Variants in EVI5L observed in about 807,000 individuals in gnomAD.
The protein encoded by EVI5L is ecotropic viral integration site 5 like.
In EVI5L, 30 loss-of-function variants were observed where a neutral mutation model predicts 106.1. That is an observed-to-expected ratio of 0.28 (90% CI 0.21 to 0.38). The LOEUF (loss-of-function observed/expected upper bound fraction) is 0.38, where lower values mean the gene tolerates loss of function less well. EVI5L is among the 10% of genes least tolerant of loss of function. The pLI is 1.00. For synonymous variants in EVI5L, 489 were observed against 483.3 expected (o/e 1.01, Z -0.15); for missense variants, 809 against 1,098.0 (o/e 0.74, Z 3.72).
At chr19:7,855,114 C>CTTTTT (rs200195743) in intron 10 of EVI5L, among the ~76,000 whole-genome samples, 1 of 132,624 alleles carries the variant, frequency 7.5e-6, no homozygotes. Flanking sequence ...ATATCTTTTT[C>CTTTTT]TTTTTTTTTT....
At chr19:7,849,942 G>A in intron 5 of EVI5L, 55 bp from the exon 6 acceptor site, 1 of 1,474,914 alleles carries the variant, frequency 6.8e-7, no homozygotes, top group South Asian at 1.2e-5. Flanking sequence ...TGAGCAGCGA[G>A]ATGCCCCTCC....
chr19:7,851,331 C>A, intron 6 of EVI5L, 103 bp from the exon 7 acceptor site: 1 of 1,409,974 alleles, frequency 7.1e-7, no homozygotes, highest in Non-Finnish European at 9.6e-7. Context: ...CTGCCCAGCG[C>A]AGGTCCAGGA....
intron 16 of EVI5L, 47 bp from the exon 17 acceptor site, chr19:7,862,341 G>A (rs1979847964): frequency 6.3e-7 from 1 of 1,580,808 alleles, no homozygotes; most frequent in Non-Finnish European, 8.6e-7. Flanking sequence ...CCCTGAGTTA[G>A]GCCCTGACCG....
In EVI5L at chr19:7,845,576, A is replaced by G. The variant is rs1197451436; in HGVS notation, c.-47-920A>G. Among the ~76,000 whole-genome samples the G allele has an allele frequency of 2.6e-5, 4 of 152,212 alleles. No homozygotes were observed. Among genetic ancestry groups the G allele is most frequent in the Non-Finnish European group, 5.9e-5 (4 of 68,036 alleles). Reference sequence around the variant, plus strand: ...GCTAGGTCCTGTATGATCTCAGTGTACGGAGGCTCAGAGACACCAAGTGAC... The same window carrying G: ...GCTAGGTCCTGTATGATCTCAGTGTGCGGAGGCTCAGAGACACCAAGTGAC... On this transcript the variant is annotated intron_variant, in intron 1 of 19. Coordinates refer to ENST00000538904, the MANE Select transcript of EVI5L (RefSeq NM_001159944.3). This position sits in a 1 kb window ranked among gnomAD's most constrained non-coding sequence, Gnocchi z 4.0.
At position 7,858,014 on chromosome 19, in the gene EVI5L, C is replaced by A; in HGVS notation, c.1234-177C>A. On this transcript the variant is annotated intron_variant, in intron 12 of 19. Coordinates refer to ENST00000538904, the MANE Select transcript of EVI5L (RefSeq NM_001159944.3). The surrounding 1 kb of genome is among the most constrained non-coding windows in gnomAD (Gnocchi z 5.7). ...CCAGGTGTCCTATTCCTGCCTGTCA[C>A]CCACCCACGTCCCCAGGCCCAGTGG... 1 of 683,958 alleles carries A rather than the reference C, an allele frequency of 1.5e-6. No individual in the cohort carries two copies. Among genetic ancestry groups the A allele is most frequent in the Non-Finnish European group, 2.4e-6 (1 of 414,988 alleles). 42.4% of individuals were successfully genotyped at this position (683,958 alleles called of 1,614,324 possible). A position where few individuals can be genotyped will look rare whatever the true frequency, so the allele number is the denominator to read the frequency against.
In EVI5L at chr19:7,860,672, G is replaced by T. The variant is rs1260243389; in HGVS notation, c.1486G>T (p.Val496Phe). The T allele has an allele frequency of 6.3e-7, 1 of 1,588,958 alleles. No individual in the cohort carries two copies. Among genetic ancestry groups the T allele is most frequent in the African/African-American group, 1.3e-5 (1 of 74,452 alleles). ...GGCCCTTCGGGAGATGCAGGACAAGGTTCTCGACATGGAAAAGGTGCAATG... is the reference window on the plus strand; with the variant it reads ...GGCCCTTCGGGAGATGCAGGACAAGTTTCTCGACATGGAAAAGGTGCAATG... ...LGALREMQDK[V>F]LDMEKRNSSL... Residue 496 changes from valine to phenylalanine, a missense_variant, in exon 14 of 20, where the codon GTT (valine) becomes TTT (phenylalanine). By Grantham distance (50) the Val-to-Phe change is conservative. Coordinates refer to ENST00000538904, the MANE Select transcript of EVI5L (RefSeq NM_001159944.3).
intron 1 of EVI5L, among the ~76,000 whole-genome samples, chr19:7,838,330 C>CA (rs1199576763): frequency 6.6e-6 from 1 of 151,978 alleles, no homozygotes; most frequent in East Asian, 1.9e-4. Context: ...AGGCTGGTCT[C>CA]AAACTCCTGA....
chr19:7,857,067 G>A lies in EVI5L; in HGVS notation c.1201-25G>A, dbSNP rs775367361. Reference sequence around the variant, plus strand: ...TTCCGCTCTGCCTCCTCCCCCTGTCGCTGGGAACCCCCTTCGCCGGGTAGG... The same window carrying A: ...TTCCGCTCTGCCTCCTCCCCCTGTCACTGGGAACCCCCTTCGCCGGGTAGG... On this transcript the variant is annotated intron_variant, in intron 11 of 19. Transcript: ENST00000538904. This position sits in a 1 kb window ranked among gnomAD's most constrained non-coding sequence, Gnocchi z 4.5. The A allele has an allele frequency of 3.0e-5, 47 of 1,551,808 alleles. No homozygotes were observed. The highest frequency in any genetic ancestry group is 3.9e-5 in the Admixed American group (2 of 51,008).
chr19:7,846,574 C>T lies in EVI5L; in HGVS notation c.32C>T (p.Ser11Leu). 1 of 1,613,550 alleles carries T rather than the reference C, an allele frequency of 6.2e-7. No homozygotes were observed. Among genetic ancestry groups the T allele is most frequent in the Non-Finnish European group, 8.5e-7 (1 of 1,179,830 alleles). The change falls in exon 2 of 20, where the codon TCA becomes TTA. Residue 11 changes from serine (S) to leucine (L), a missense_variant. This residue lies in a region of EVI5L where 357 missense variants were observed against 588.1 expected (regional missense o/e 0.61). Transcript: ENST00000538904. MASPTLSPDS[S>L]SQEALSAPTC... ...AGCCCCACTCTGAGCCCCGACTCCTCATCCCAGGAGGCCCTGTCGGCCCCC... is the reference window on the plus strand; with the variant it reads ...AGCCCCACTCTGAGCCCCGACTCCTTATCCCAGGAGGCCCTGTCGGCCCCC...
At position 7,863,333 on chromosome 19, in the gene EVI5L, C is replaced by G; in HGVS notation, c.2139+53C>G. ...AGGCCTGGGTGTCGTCGGCCTGGGA[C>G]GAGCCGAGCGCAGGTGCCTTGCGGA... On this transcript the variant is annotated intron_variant, in intron 19 of 19. Transcript: ENST00000538904. The surrounding 1 kb of genome is among the most constrained non-coding windows in gnomAD (Gnocchi z 7.7). 5 of 1,546,976 alleles carry G rather than the reference C, an allele frequency of 3.2e-6. No individual in the cohort carries two copies. The South Asian group carries it at 6.0e-5, about 18-fold the overall frequency.
At position 7,852,035 on chromosome 19, in the gene EVI5L, C is replaced by A. The variant is rs111864151; in HGVS notation, c.987+265C>A. On this transcript the variant is annotated intron_variant, in intron 8 of 19. Transcript: ENST00000538904. ...CCCAGGCTGAGCCCTGGGAGCCCCA[C>A]TGCCCACCTCCTGCCCCCAACCCCG... Among the ~76,000 whole-genome samples, 1,036 of 152,296 alleles carry A rather than the reference C, an allele frequency of 6.8e-3. 13 individuals carry two copies. The highest frequency in any genetic ancestry group is 0.024 in the African/African-American group (999 of 41,560).
rs1379653461 is a variant in EVI5L at position 7,863,913 on chromosome 19, T to C, written c.*211T>C. The stretch of plus-strand genomic sequence containing the variant: ...GGGGCAGGCTCTCTATCCCCAGCAG[T>C]GTTTACCCATCTTGGTCTGTACCCC... On this transcript the variant is annotated 3_prime_UTR_variant, in exon 20 of 20. Transcript: ENST00000538904. The surrounding 1 kb of genome is among the most constrained non-coding windows in gnomAD (Gnocchi z 7.7). 2 of 626,368 alleles carry C rather than the reference T, an allele frequency of 3.2e-6. No homozygotes were observed. The highest frequency in any genetic ancestry group is 5.1e-6 in the Non-Finnish European group (2 of 390,510). 38.8% of individuals were successfully genotyped at this position (626,368 alleles called of 1,614,324 possible).
intron 10 of EVI5L, 127 bp downstream of exon 10, chr19:7,853,460 CG>C (rs1410965270): frequency 7.7e-7 from 1 of 1,301,100 alleles, no homozygotes; most frequent in Non-Finnish European, 1.1e-6. Flanking sequence ...CGGTCCTTGG[CG>C]GACAGGCCTC....
In EVI5L at chr19:7,856,669, C is replaced by T. The variant is rs139513121; in HGVS notation, c.1201-423C>T. Among the ~76,000 whole-genome samples the T allele has an allele frequency of 4.5e-4, 69 of 152,256 alleles. No homozygotes were observed. The highest frequency in any genetic ancestry group is 3.4e-3 in the Middle Eastern group (1 of 294). Reference sequence around the variant, plus strand: ...GTTGGCAGCCGGATTTGGTTGCCCTCACCCCAAAGCCTTGTTCTGCCTTAA... The same window carrying T: ...GTTGGCAGCCGGATTTGGTTGCCCTTACCCCAAAGCCTTGTTCTGCCTTAA... On this transcript the variant is annotated intron_variant, in intron 11 of 19. Coordinates refer to ENST00000538904, the MANE Select transcript of EVI5L (RefSeq NM_001159944.3). This position sits in a 1 kb window ranked among gnomAD's most constrained non-coding sequence, Gnocchi z 6.6.
At chr19:7,830,661 A>T (rs1195532313) in intron 1 of EVI5L, among the ~76,000 whole-genome samples, 1 of 53,686 alleles carries the variant, frequency 1.9e-5, no homozygotes, top group African/African-American at 7.4e-5. Flanking sequence ...ACCCCCGTCC[A>T]CCCTTTGCAG....
chr19:7,861,027 G>C (rs184704114), intron 14 of EVI5L, among the ~76,000 whole-genome samples: 4 of 152,156 alleles, frequency 2.6e-5, no homozygotes, highest in Admixed American at 2.6e-4. Context: ...GCCCATTGTG[G>C]CTGCCTCCCT....
intron 1 of EVI5L, among the ~76,000 whole-genome samples, chr19:7,832,711 C>A (rs1367614434): frequency 6.6e-6 from 1 of 152,108 alleles, no homozygotes; most frequent in Non-Finnish European, 1.5e-5. Context: ...AGCTGTATTG[C>A]AGGGAGCCAG....
chr19:7,862,628 C>G, intron 17 of EVI5L, 94 bp downstream of exon 17: 1 of 1,181,336 alleles, frequency 8.5e-7, no homozygotes, highest in Non-Finnish European at 1.1e-6. Context: ...TGCCGGCGTC[C>G]TGCCTCCCGA....
Position 7,851,569 on chromosome 19 carries a change from A to G in EVI5L, c.889A>G (p.Met297Val). 1 of 1,612,268 alleles carries G rather than the reference A, an allele frequency of 6.2e-7. No individual in the cohort carries two copies. The highest frequency in any genetic ancestry group is 8.5e-7 in the Non-Finnish European group (1 of 1,179,242). ...PVATRVFDIF[M>V]YEGLEIVFRV... is the part of the protein sequence containing the mutation. ...CGCCACCCGGGTCTTTGACATCTTC[A>G]TGTATGAGGTGAGGACCGATGGTGC... Residue 297 changes from methionine to valine, a missense_variant, in exon 7 of 20, where the codon ATG (methionine) becomes GTG (valine). Met to Val is a conservative substitution (Grantham distance 21, BLOSUM62 1). Coordinates refer to ENST00000538904, the MANE Select transcript of EVI5L (RefSeq NM_001159944.3).
Sources: gnomAD v4.1 joint callset for allele counts (sites outside exome capture counted in the v4.1 genomes callset) on GRCh38, gnomAD v4.1.1 for gene constraint, gnomAD v4.1.1 regional missense constraint, Gnocchi (gnomAD v3.1) non-coding constraint, MANE v1.5 for transcripts, NCBI Gene and HGNC (gene_info 2026-07-23, HGNC 2026-07-21) for gene names.